Variants in DACT3 observed in about 807,000 individuals in gnomAD.
The protein encoded by DACT3 is dishevelled binding antagonist of beta catenin 3.
Under a neutral mutation model 19.6 loss-of-function variants are expected in DACT3, and 5 were observed. That is an observed-to-expected ratio of 0.26 (90% CI 0.13 to 0.54). The LOEUF (loss-of-function observed/expected upper bound fraction) is 0.54. Among genes scored for constraint, DACT3 ranks in the 20% least tolerant of loss-of-function variants. The pLI is 0.95. For missense variants in DACT3, 908 were observed against 927.4 expected, an observed-to-expected ratio of 0.98 and a Z score of 0.27; for synonymous variants, 454 against 428.1, an observed-to-expected ratio of 1.06 and a Z score of -0.75.
chr19:46,649,541 G>C lies in DACT3; in HGVS notation c.831C>G (p.Gly277=). The C allele has an allele frequency of 9.6e-7, 1 of 1,045,376 alleles. No individual in the cohort carries two copies. The highest frequency in any genetic ancestry group is 1.1e-6 in the Non-Finnish European group (1 of 871,562). The allele number at this position is 1,045,376 out of a possible 1,614,324, so 64.8% of individuals were successfully genotyped here. The stretch of plus-strand genomic sequence containing the variant: ...GCACGCTGTTCTGGCGCCGCGGGCC[G>C]CCGTCCGCGCCCCCGGGACTGGTCC... ...QPRTSPGGAD[G]GPRRQNSVRQ... is the part of the protein sequence containing the mutation. Residue 277 remains glycine, a synonymous_variant, in exon 4 of 4, where the codon GGC becomes GGG. Coordinates refer to ENST00000391916, the MANE Select transcript of DACT3 (RefSeq NM_145056.3).
rs756219899 is a variant in DACT3 at position 46,648,653 on chromosome 19, G to T, written c.1719C>A (p.Leu573=). 7.6e-5 allele frequency: 123 copies of T among 1,612,372 alleles called. 1 individual carries two copies. In the Admixed American group the frequency reaches 2.0e-3, roughly 27 times the overall value. The change falls in exon 4 of 4, where the codon CTC becomes CTA. Residue 573 remains leucine, a synonymous_variant. Transcript: ENST00000391916. The surrounding 1 kb of genome is among the most constrained non-coding windows in gnomAD (Gnocchi z 5.1). The part of the protein sequence containing the change: ...ASSDSDGSGG[L]VWPQQLVAAT... ...CCGCCACCAGCTGCTGCGGCCACAC[G>T]AGGCCACCGCTGCCGTCTGAGTCGC... is the stretch of plus-strand genomic sequence containing the variant.
At chr19:46,657,439 C>A in intron 1 of DACT3, among the ~76,000 whole-genome samples, 1 of 149,290 alleles carries the variant, frequency 6.7e-6, no homozygotes, top group East Asian at 2.0e-4. Flanking sequence ...CTGCAAGCTC[C>A]GCCTCCCGGG....
chr19:46,656,724 G>T (rs1023485738), intron 1 of DACT3, among the ~76,000 whole-genome samples: 1 of 152,172 alleles, frequency 6.6e-6, no homozygotes, highest in Non-Finnish European at 1.5e-5. Flanking sequence ...TGTTAAAACG[G>T]AATGAGTCAA....
Position 46,648,929 on chromosome 19 carries a change from C to A in DACT3, c.1443G>T (p.Glu481Asp). The A allele has an allele frequency of 1.5e-6, 2 of 1,359,556 alleles. No homozygotes were observed. Among genetic ancestry groups the A allele is most frequent in the South Asian group, 3.5e-5 (2 of 57,592 alleles). The allele number at this position is 1,359,556 out of a possible 1,614,324, so 84.2% of individuals were successfully genotyped here. The change falls in exon 4 of 4, where the codon GAG becomes GAT. Residue 481 changes from glutamate to aspartate, a missense_variant. Glu to Asp is a conservative substitution (Grantham distance 45). Coordinates refer to ENST00000391916, the MANE Select transcript of DACT3 (RefSeq NM_145056.3). The surrounding 1 kb of genome is among the most constrained non-coding windows in gnomAD (Gnocchi z 5.1). ...CGCGGCGCCCATCGGCAGCGTCGATCTCCGCAGTGGAGCGCCAGCGACGGC... is the reference window on the plus strand; with the variant it reads ...CGCGGCGCCCATCGGCAGCGTCGATATCCGCAGTGGAGCGCCAGCGACGGC... The part of the protein sequence containing the change: ...GSCRRWRSTA[E>D]IDAADGRRVR...
At chr19:46,651,276 T>C (rs1463164000) in intron 3 of DACT3, 1 of 151,794 alleles carries the variant, frequency 6.6e-6, no homozygotes, top group Admixed American at 6.6e-5. Context: ...AGAGACGGGG[T>C]TTCACCATGT....
chr19:46,649,477 C>T lies in DACT3; in HGVS notation c.895G>A (p.Ala299Thr). 1 of 1,151,756 alleles carries T rather than the reference C, an allele frequency of 8.7e-7. No homozygotes were observed. The highest frequency in any genetic ancestry group is 3.7e-5 in the South Asian group (1 of 27,012). 71.3% of individuals were successfully genotyped at this position (1,151,756 alleles called of 1,614,324 possible). A position where few individuals can be genotyped will look rare whatever the true frequency, so the allele number is the denominator to read the frequency against. The change falls in exon 4 of 4, where the codon GCG (alanine) becomes ACG (threonine). Residue 299 changes from alanine to threonine, a missense_variant. Around this residue, in one of 2 missense-constraint regions of DACT3, gnomAD observed 656 missense variants for 601.8 expected, o/e 1.09. Coordinates refer to ENST00000391916, the MANE Select transcript of DACT3 (RefSeq NM_145056.3). Reference protein sequence around the residue: ...PPDASPSPGSARPAREPSLER... With the variant: ...PPDASPSPGSTRPAREPSLER... The stretch of plus-strand genomic sequence containing the variant: ...AACGAGGGCTCCCGCGCGGGTCGCG[C>T]GCTGCCGGGGGACGGAGACGCGTCG...
At chr19:46,655,954 CACACATATATATAT>C (rs1172791041) in intron 1 of DACT3, among the ~76,000 whole-genome samples, 2 of 150,050 alleles carry the variant, frequency 1.3e-5, no homozygotes, top group Non-Finnish European at 3.0e-5. Flanking sequence ...TATACACAAA[CACACATATATATAT>C]ACACACATAT....
intron 1 of DACT3, chr19:46,659,038 C>A: frequency 1.0e-6 from 1 of 966,586 alleles, no homozygotes. Context: ...GAAGTGTATT[C>A]CTGGCAGGGG....
Position 46,655,925 on chromosome 19 carries a change from C to CTCTCTCTA in DACT3, c.250-2851_250-2850insTAGAGAGA, listed in dbSNP as rs980735397. On this transcript the variant is annotated intron_variant, in intron 1 of 3. Transcript: ENST00000391916. ...AGTCTCTCTCTCTCTCTCTCTCTCT[C>CTCTCTCTA]TATATATATATATATATATATACAC... Among the ~76,000 whole-genome samples the CTCTCTCTA allele has an allele frequency of 3.3e-3, 455 of 137,914 alleles. 1 individual carries two copies. Among genetic ancestry groups the CTCTCTCTA allele is most frequent in the African/African-American group, 0.011 (398 of 37,694 alleles). The allele number at this position is 137,914 out of a possible 152,430, so 90.5% of individuals were successfully genotyped here.
At chr19:46,659,214 G>A in intron 1 of DACT3, 1 of 985,330 alleles carries the variant, frequency 1.0e-6, no homozygotes, top group Middle Eastern at 5.2e-4. Context: ...CCCTGATGCT[G>A]GGACAAGCTT....
At chr19:46,653,223 C>A in intron 1 of DACT3, 148 bp from the exon 2 acceptor site, 1 of 1,220,522 alleles carries the variant, frequency 8.2e-7, no homozygotes, top group Non-Finnish European at 1.1e-6. Flanking sequence ...TCCCAGGACC[C>A]CCTCAAGATC....
chr19:46,655,279 G>A (rs779246689), intron 1 of DACT3, among the ~76,000 whole-genome samples: 5 of 151,886 alleles, frequency 3.3e-5, no homozygotes, highest in African/African-American at 4.8e-5. Flanking sequence ...CCTGCTTTTC[G>A]GGTTTTTTCT....
intron 1 of DACT3, chr19:46,654,224 C>T (rs1302928332): frequency 2.9e-5 from 29 of 984,920 alleles, no homozygotes; most frequent in South Asian, 1.4e-4. Context: ...CAGTGGCTCA[C>T]GCCTGTAATC....
At chr19:46,651,387 C>T (rs1246992170) in intron 3 of DACT3, 2 of 152,114 alleles carry the variant, frequency 1.3e-5, no homozygotes, top group Non-Finnish European at 2.9e-5. Flanking sequence ...GGCCATTTAT[C>T]CTGTATTTTA....
At position 46,660,423 on chromosome 19, in the gene DACT3, C is replaced by G. The variant is rs571882861; in HGVS notation, c.249+393G>C. Reference sequence around the variant, plus strand: ...TGTCACCTTGGGTGAGTCGCTTGCTCTCTCTGAGCCTCAATTTGTTTCTCT... The same window carrying G: ...TGTCACCTTGGGTGAGTCGCTTGCTGTCTCTGAGCCTCAATTTGTTTCTCT... On this transcript the variant is annotated intron_variant, in intron 1 of 3. Transcript: ENST00000391916. This position sits in a 1 kb window ranked among gnomAD's most constrained non-coding sequence, Gnocchi z 4.9. 9 of 172,674 alleles carry G rather than the reference C, an allele frequency of 5.2e-5. No homozygotes were observed. The highest frequency in any genetic ancestry group is 9.9e-5 in the Non-Finnish European group (8 of 81,078). The allele number at this position is 172,674 out of a possible 1,614,324, so 10.7% of individuals were successfully genotyped here.
chr19:46,655,925 C>CTCTCTCTCTCTATATATATA (rs980735397), intron 1 of DACT3, among the ~76,000 whole-genome samples: 1 of 137,898 alleles, frequency 7.3e-6, no homozygotes, highest in South Asian at 2.3e-4. Flanking sequence ...CTCTCTCTCT[C>CTCTCTCTCTCTATATATATA]TATATATATA....
rs750080611 is a variant in DACT3 at position 46,660,828 on chromosome 19, C to T, written c.237G>A (p.Leu79=). 4.6e-6 allele frequency: 7 copies of T among 1,512,338 alleles called. No homozygotes were observed. In the South Asian group the frequency reaches 8.8e-5, roughly 19 times the overall value. 93.7% of individuals were successfully genotyped at this position (1,512,338 alleles called of 1,614,324 possible). ...GGCAGCCCCTTACCAGCTGCTCCTC[C>T]AGGGCCGCTGCGGCCCGGCGCGCCG... ...AAAARRAAAA[L]EEQLEALPGL... The change falls in exon 1 of 4, where the codon CTG becomes CTA. Residue 79 remains leucine (L), a synonymous_variant. Coordinates refer to ENST00000391916, the MANE Select transcript of DACT3 (RefSeq NM_145056.3). This position sits in a 1 kb window ranked among gnomAD's most constrained non-coding sequence, Gnocchi z 4.9.
At chr19:46,656,062 T>C (rs998986763) in intron 1 of DACT3, among the ~76,000 whole-genome samples, 2 of 149,924 alleles carry the variant, frequency 1.3e-5, no homozygotes, top group Non-Finnish European at 3.0e-5. Flanking sequence ...TATTTATTTA[T>C]TTATTTATTT....
rs1310345153 is a variant in DACT3 at position 46,647,761 on chromosome 19, A to G, written c.*721T>C. The G allele has an allele frequency of 2.6e-5, 4 of 152,586 alleles. No homozygotes were observed. Among genetic ancestry groups the G allele is most frequent in the Non-Finnish European group, 5.9e-5 (4 of 68,014 alleles). 9.5% of individuals were successfully genotyped at this position (152,586 alleles called of 1,614,324 possible). Reference sequence around the variant, plus strand: ...TAGATTGGAACAGCTGAGGGTCATCAGGCTTCCCCCATTCCCTCTCACAGG... The same window carrying G: ...TAGATTGGAACAGCTGAGGGTCATCGGGCTTCCCCCATTCCCTCTCACAGG... On this transcript the variant is annotated 3_prime_UTR_variant, in exon 4 of 4. Transcript: ENST00000391916.
Sources: allele counts gnomAD v4.1 joint callset (sites outside exome capture counted in the v4.1 genomes callset), GRCh38; gene constraint gnomAD v4.1.1; regional missense constraint gnomAD v4.1.1; non-coding constraint Gnocchi (gnomAD v3.1); transcripts MANE v1.5; gene names NCBI Gene and HGNC (gene_info 2026-07-23, HGNC 2026-07-21).